The following BCAR3 variants were observed in gnomAD, a reference collection of about 807,000 sequenced individuals.
BCAR3 encodes breast cancer anti-estrogen resistance protein 3.
BCAR3 carries 37 observed loss-of-function variants against 80.1 expected under a neutral mutation model. The ratio of observed to expected loss-of-function variants is 0.46; its 90% CI spans 0.36 to 0.61. The LOEUF (loss-of-function observed/expected upper bound fraction) is 0.61. BCAR3 is among the 20% of genes least tolerant of loss of function. BCAR3 has a pLI of 0.00. For missense variants in BCAR3, 978 were observed against 1,068.2 expected (o/e 0.92, Z 1.18); for synonymous variants, 389 against 418.9 (o/e 0.93, Z 0.87).
At chr1:93,760,617 AAAG>A (rs1288481498) in intron 2 of BCAR3, among the ~76,000 whole-genome samples, 2 of 146,972 alleles carry the variant, frequency 1.4e-5, no homozygotes, top group African/African-American at 2.7e-5. Context: ...TTAAAAAAAA[AAAG>A]AAGAAGGAAT....
At chr1:93,638,774 G>A (rs913073747) in intron 3 of BCAR3, among the ~76,000 whole-genome samples, 14 of 152,150 alleles carry the variant, frequency 9.2e-5, no homozygotes, top group African/African-American at 2.9e-4. Flanking sequence ...AATCAATTAC[G>A]TTTGACCACA....
chr1:93,735,646 C>G (rs999868006), intron 2 of BCAR3, among the ~76,000 whole-genome samples: 7 of 152,238 alleles, frequency 4.6e-5, no homozygotes, highest in African/African-American at 1.7e-4. Flanking sequence ...TTGAAAAATA[C>G]ATATAGTTTT....
chr1:93,740,111 A>G (rs144193665), intron 2 of BCAR3, among the ~76,000 whole-genome samples: 1 of 152,310 alleles, frequency 6.6e-6, no homozygotes, highest in African/African-American at 2.4e-5. Context: ...GTGGTGGCAC[A>G]AAATCACAAC....
At chr1:93,628,460 G>A (rs1319517943) in intron 3 of BCAR3, among the ~76,000 whole-genome samples, 1 of 152,024 alleles carries the variant, frequency 6.6e-6, no homozygotes, top group Non-Finnish European at 1.5e-5. Context: ...ACAATCCCTC[G>A]CACATCACCT....
chr1:93,567,166 C>A (rs1672985048), intron 11 of BCAR3, 113 bp downstream of exon 11: 2 of 1,309,878 alleles, frequency 1.5e-6, no homozygotes, highest in African/African-American at 1.5e-5. Context: ...GAATTCCATT[C>A]TTTAATCCTT....
rs1309543785 is a variant in BCAR3 at position 93,671,566 on chromosome 1, A to G, written c.317+3048T>C. On this transcript the variant is annotated intron_variant, in intron 2 of 11. Transcript: ENST00000260502. ...AATTAACCCCTGAATTCACTACGAA[A>G]AGAAAAAAAGAGGTGACTGAGCTGG... Among the ~76,000 whole-genome samples, 3 of 152,298 alleles carry G rather than the reference A, an allele frequency of 2.0e-5. No homozygotes were observed. The East Asian group carries it at 5.8e-4, about 29-fold the overall frequency.
intron 2 of BCAR3, among the ~76,000 whole-genome samples, chr1:93,720,624 A>G (rs528749478): frequency 8.5e-5 from 13 of 152,320 alleles, no homozygotes; most frequent in African/African-American, 2.9e-4. Context: ...ACAGGCCAAG[A>G]CTTAAAACTC....
intron 2 of BCAR3, among the ~76,000 whole-genome samples, chr1:93,803,484 G>T (rs745551448): frequency 2.7e-4 from 41 of 152,120 alleles, no homozygotes; most frequent in South Asian, 1.0e-3. Context: ...TCAGAAAAAA[G>T]TGAAATAGAC....
intron 3 of BCAR3, among the ~76,000 whole-genome samples, chr1:93,611,673 T>C (rs1016221949): frequency 6.6e-6 from 1 of 152,216 alleles, no homozygotes; most frequent in Admixed American, 6.5e-5. Context: ...CAAGTCCGTA[T>C]GAGGCCTCTA....
intron 3 of BCAR3, among the ~76,000 whole-genome samples, chr1:93,703,606 T>C (rs1218825157): frequency 6.6e-6 from 1 of 151,800 alleles, no homozygotes; most frequent in African/African-American, 2.4e-5. Flanking sequence ...CTGCAGGCTT[T>C]CAAATTATAT....
At chr1:93,712,994 T>C (rs1557663180) in intron 2 of BCAR3, among the ~76,000 whole-genome samples, 1 of 152,244 alleles carries the variant, frequency 6.6e-6, no homozygotes, top group Non-Finnish European at 1.5e-5. Context: ...GCTTTCATCT[T>C]CCTTTTTCTC....
chr1:93,760,086 G>T, intron 2 of BCAR3, among the ~76,000 whole-genome samples: 1 of 152,128 alleles, frequency 6.6e-6, no homozygotes, highest in East Asian at 1.9e-4. Context: ...AGATAAAAAA[G>T]CAGGTGTTCC....
At position 93,582,765 on chromosome 1, in the gene BCAR3, AGGGCTTAGGCGG is replaced by A. The variant is rs779538303; in HGVS notation, c.1210_1221del (p.Pro404_Pro407del). 1 of 1,614,002 alleles carries A rather than the reference AGGGCTTAGGCGG, an allele frequency of 6.2e-7. No individual in the cohort carries two copies. The highest frequency in any genetic ancestry group is 1.7e-5 in the Admixed American group (1 of 60,006). ...GGAACCTTGAGGAACGGCACCTTGC[AGGGCTTAGGCGG>A]GGGCTTAGGGCACAGTTGACTGTCT... is the stretch of plus-strand genomic sequence containing the variant. On this transcript the variant is annotated inframe_deletion, in exon 7 of 12. Coordinates refer to ENST00000260502, the MANE Select transcript of BCAR3 (RefSeq NM_003567.4).
At chr1:93,573,004 C>G (rs1383671383) in intron 8 of BCAR3, among the ~76,000 whole-genome samples, 5 of 152,180 alleles carry the variant, frequency 3.3e-5, no homozygotes, top group African/African-American at 1.2e-4. Flanking sequence ...GGCTCACTTG[C>G]AGTGTAAGCT....
Position 93,642,293 on chromosome 1 carries a change from T to C in BCAR3, c.357+11A>G. On this transcript the variant is annotated intron_variant, in intron 3 of 11. Transcript: ENST00000260502. ...AGGGTCACGGCTACATGTTTAATTC[T>C]CATTTCCTACCTTCACATATTCCAC... is the stretch of plus-strand genomic sequence containing the variant. The C allele has an allele frequency of 1.2e-6, 2 of 1,613,166 alleles. No individual in the cohort carries two copies. Among genetic ancestry groups the C allele is most frequent in the Non-Finnish European group, 1.7e-6 (2 of 1,179,046 alleles).
chr1:93,571,002 G>A (rs1185822595), intron 9 of BCAR3, among the ~76,000 whole-genome samples: 8 of 151,776 alleles, frequency 5.3e-5, no homozygotes, highest in Admixed American at 1.3e-4. Flanking sequence ...TCAGGAGTTC[G>A]AGATCAGCCT....
At chr1:93,763,735 T>C (rs1244243188) in intron 2 of BCAR3, among the ~76,000 whole-genome samples, 1 of 152,156 alleles carries the variant, frequency 6.6e-6, no homozygotes, top group African/African-American at 2.4e-5. Flanking sequence ...TCCACCCCAC[T>C]GGTGTGCCAG....
intron 3 of BCAR3, among the ~76,000 whole-genome samples, chr1:93,636,854 C>T (rs376583798): frequency 5.9e-5 from 9 of 152,078 alleles, no homozygotes; most frequent in East Asian, 3.9e-4. Context: ...CCCAGCACTT[C>T]GGGAGGCTGA....
chr1:93,767,339 A>C (rs1418350804), intron 2 of BCAR3, among the ~76,000 whole-genome samples: 2 of 152,148 alleles, frequency 1.3e-5, no homozygotes, highest in South Asian at 4.1e-4. Flanking sequence ...TCTGGGCAAC[A>C]TGTTGAAATT....
Sources: gnomAD v4.1 joint callset for allele counts (sites outside exome capture counted in the v4.1 genomes callset) on GRCh38, gnomAD v4.1.1 for gene constraint, MANE v1.5 for transcripts, NCBI Gene and HGNC (gene_info 2026-07-23, HGNC 2026-07-21) for gene names.